Variants in DMD observed in about 807,000 individuals in gnomAD.
DMD encodes the protein dystrophin.
A neutral mutation model predicts 330.1 loss-of-function variants in DMD; 63 were observed. The observed-to-expected ratio is 0.19, with a 90% CI of 0.16 to 0.24. The LOEUF (loss-of-function observed/expected upper bound fraction) is 0.24, where lower values mean the gene tolerates loss of function less well. DMD is among the 10% of genes least tolerant of loss of function. The pLI is 1.00. For missense variants in DMD, 3,344 were observed against 2,684.1 expected, an observed-to-expected ratio of 1.25 and a Z score of -5.43; for synonymous variants, 1,223 against 959.8, an observed-to-expected ratio of 1.27 and a Z score of -5.07.
intron 41 of DMD, among the ~76,000 whole-genome samples, chrX:32,311,152 A>G (rs41369746): frequency 0.16 from 17,802 of 110,393 alleles, 1,403 homozygotes; most frequent in African/African-American, 0.29. Flanking sequence ...TAGGCAGCAA[A>G]ATTCTTGTAA....
intron 1 of DMD, among the ~76,000 whole-genome samples, chrX:33,132,920 A>G (rs979710709): frequency 2.7e-5 from 3 of 111,731 alleles, no homozygotes; most frequent in African/African-American, 9.8e-5. Flanking sequence ...AGTTAGTGCT[A>G]AATAAATAGT....
intron 2 of DMD, among the ~76,000 whole-genome samples, chrX:32,852,117 T>A (rs1463903331): frequency 1.8e-5 from 2 of 111,398 alleles, no homozygotes; most frequent in Non-Finnish European, 3.8e-5. Flanking sequence ...AGCTGACAGC[T>A]TTGAGAGAGA....
intron 45 of DMD, among the ~76,000 whole-genome samples, chrX:31,966,102 T>C (rs1032192034): frequency 1.8e-5 from 2 of 111,305 alleles, no homozygotes; most frequent in Non-Finnish European, 3.8e-5. Flanking sequence ...AAACGAAGAC[T>C]ACTGTTGTTA....
At chrX:33,039,343 G>A (rs957824371) in intron 1 of DMD, among the ~76,000 whole-genome samples, 10 of 104,922 alleles carry the variant, frequency 9.5e-5, no homozygotes, top group Admixed American at 9.4e-4. Flanking sequence ...TCCTTCCTAC[G>A]CCCACCCCAC....
At chrX:32,999,601 C>T (rs1374413456) in intron 2 of DMD, among the ~76,000 whole-genome samples, 1 of 110,454 alleles carries the variant, frequency 9.1e-6, no homozygotes. Flanking sequence ...CATGGTGAAA[C>T]CCCGCCTCTA....
At chrX:33,272,689 C>T (rs917750848) in intron 1 of DMD, among the ~76,000 whole-genome samples, 6 of 106,085 alleles carry the variant, frequency 5.7e-5, no homozygotes, top group African/African-American at 2.1e-4. Flanking sequence ...CACACACACA[C>T]AAGAAAATGA....
chrX:31,763,918 C>T (rs922082931), intron 51 of DMD, among the ~76,000 whole-genome samples: 1 of 110,671 alleles, frequency 9.0e-6, no homozygotes, highest in African/African-American at 3.3e-5. Flanking sequence ...TTCCATTGCC[C>T]AGGTTGGAAT....
chrX:32,811,206 G>T (rs1197473610), intron 6 of DMD, among the ~76,000 whole-genome samples: 1 of 106,674 alleles, frequency 9.4e-6, no homozygotes, highest in Non-Finnish European at 1.9e-5. Context: ...ATAGCCAAGT[G>T]TGCTGGCATG....
At chrX:31,323,053 C>T (rs1239601841) in intron 62 of DMD, among the ~76,000 whole-genome samples, 1 of 111,694 alleles carries the variant, frequency 9.0e-6, no homozygotes, top group Non-Finnish European at 1.9e-5. Flanking sequence ...TTGACTGGCA[C>T]AAATGTTTCC....
At chrX:31,769,460 T>A (rs750740725) in intron 51 of DMD, among the ~76,000 whole-genome samples, 3 of 112,122 alleles carry the variant, frequency 2.7e-5, no homozygotes, top group Admixed American at 1.9e-4. Context: ...TTATTTCAGG[T>A]CTACACGTTG....
At chrX:31,661,069 A>C (rs1289016918) in intron 53 of DMD, among the ~76,000 whole-genome samples, 1 of 112,301 alleles carries the variant, frequency 8.9e-6, no homozygotes. Context: ...CAGATTTCCT[A>C]CTAAACAAGG....
chrX:32,441,941 A>C (rs1049671932), intron 27 of DMD, among the ~76,000 whole-genome samples: 1 of 110,967 alleles, frequency 9.0e-6, no homozygotes, highest in Non-Finnish European at 1.9e-5. Flanking sequence ...CCACATTCTT[A>C]TTATTTCCTT....
rs1016832459 is a variant in DMD at position 32,377,329 on chromosome X, C to G, written c.4845+3181G>C. Among the ~76,000 whole-genome samples, 3 of 111,817 alleles carry G rather than the reference C, an allele frequency of 2.7e-5. No homozygotes were observed. The East Asian group carries it at 8.5e-4, about 32-fold the overall frequency. ...ATAGCTTTTACAGCTAAAGTAATAG[C>G]CCAACTGTGTTTTCAAATAAATACA... On this transcript the variant is annotated intron_variant, in intron 34 of 78. Coordinates refer to ENST00000357033, the MANE Select transcript of DMD (RefSeq NM_004006.3).
intron 12 of DMD, among the ~76,000 whole-genome samples, chrX:32,605,984 G>A (rs1298279832): frequency 9.1e-6 from 1 of 110,165 alleles, no homozygotes; most frequent in Non-Finnish European, 1.9e-5. Flanking sequence ...ATCACATCAT[G>A]GAGAATTTAG....
At chrX:33,328,417 C>T (rs987512635) in intron 1 of DMD, among the ~76,000 whole-genome samples, 4 of 110,192 alleles carry the variant, frequency 3.6e-5, no homozygotes, top group Non-Finnish European at 7.6e-5. Context: ...AGGCTGGTCT[C>T]GAACTCCTGA....
chrX:32,015,631 T>C (rs2095754929), intron 44 of DMD, among the ~76,000 whole-genome samples: 1 of 112,172 alleles, frequency 8.9e-6, no homozygotes, highest in Admixed American at 9.5e-5. Flanking sequence ...ATCACTTTAA[T>C]AATCTACTGG....
intron 2 of DMD, among the ~76,000 whole-genome samples, chrX:32,882,710 G>A (rs961388976): frequency 2.7e-5 from 3 of 111,986 alleles, no homozygotes; most frequent in Non-Finnish European, 5.6e-5. Flanking sequence ...TTCTAACCAT[G>A]GACAGTTGAA....
Position 31,266,996 on chromosome X carries a change from G to C in DMD, c.9225-5980C>G, listed in dbSNP as rs398124089. The C allele has an allele frequency of 2.0e-5, 16 of 784,546 alleles. No homozygotes were observed. The South Asian group carries it at 2.9e-4, about 14-fold the overall frequency. 64.7% of individuals were successfully genotyped at this position (784,546 alleles called of 1,213,427 possible). ...GCGGGCCGGGGAGGGGGCGCTGCGGGCAGACGGGGCGGGGCCGTGTCGGGC... is the reference window on the plus strand; with the variant it reads ...GCGGGCCGGGGAGGGGGCGCTGCGGCCAGACGGGGCGGGGCCGTGTCGGGC... On this transcript the variant is annotated intron_variant, in intron 62 of 78. Transcript: ENST00000357033.
At chrX:32,813,951 G>A (rs1030278580) in intron 6 of DMD, among the ~76,000 whole-genome samples, 2 of 111,800 alleles carry the variant, frequency 1.8e-5, no homozygotes, top group African/African-American at 6.5e-5. Flanking sequence ...ATACTATGGA[G>A]TAAATACCTA....
Sources: allele counts gnomAD v4.1 joint callset (sites outside exome capture counted in the v4.1 genomes callset), GRCh38; gene constraint gnomAD v4.1.1; transcripts MANE v1.5; gene names NCBI Gene and HGNC (gene_info 2026-07-23, HGNC 2026-07-21).